The following SLC3A1 variants were observed in gnomAD, a reference collection of about 807,000 sequenced individuals.
SLC3A1 encodes the protein amino acid transporter heavy chain SLC3A1.
A neutral mutation model predicts 60.3 loss-of-function variants in SLC3A1; 78 were observed. The observed-to-expected ratio is 1.29, with a 90% CI of 1.08 to 1.56. The LOEUF (loss-of-function observed/expected upper bound fraction) is 1.56. Ranked by LOEUF, SLC3A1 falls within the 40% of genes most tolerant of loss-of-function variation. The probability of loss-of-function intolerance (pLI) is 0.00; values close to 1 mark genes in which losing one functional copy is unlikely to be tolerated. For synonymous variants in SLC3A1, 392 were observed against 307.9 expected, an observed-to-expected ratio of 1.27 and a Z score of -2.86; for missense variants, 1,172 against 858.9, an observed-to-expected ratio of 1.36 and a Z score of -4.56.
In SLC3A1 at chr2:44,320,215, C is replaced by T. The variant is rs1429825299; in HGVS notation, c.1634C>T (p.Pro545Leu). ...AAAAAATAGGTCCAAAAGACTCAGC[C>T]CAGATCGGCTTTGAAGTTATATCAA... ...TVNVDVQKTQ[P>L]RSALKLYQDL... The change falls in exon 10 of 10, where the codon CCC (proline) becomes CTC (leucine). Residue 545 changes from proline to leucine, a missense_variant. Transcript: ENST00000260649. The T allele has an allele frequency of 2.5e-6, 4 of 1,613,458 alleles. No individual in the cohort carries two copies. The highest frequency in any genetic ancestry group is 3.3e-4 in the Middle Eastern group (2 of 6,078).
intron 7 of SLC3A1, among the ~76,000 whole-genome samples, chr2:44,310,804 G>GGT (rs1181286253): frequency 6.7e-6 from 1 of 149,734 alleles, no homozygotes; most frequent in African/African-American, 2.4e-5. Context: ...CTGAGAGTCT[G>GGT]GTTTTTTTTT....
chr2:44,302,681 G>A (rs142313606), intron 6 of SLC3A1, among the ~76,000 whole-genome samples: 1 of 152,324 alleles, frequency 6.6e-6, no homozygotes, highest in East Asian at 1.9e-4. Flanking sequence ...GCAATTGAGA[G>A]TGCACACCAA....
At chr2:44,277,113 T>C (rs1671365563) in intron 1 of SLC3A1, among the ~76,000 whole-genome samples, 1 of 148,468 alleles carries the variant, frequency 6.7e-6, no homozygotes, top group Admixed American at 6.7e-5. Context: ...CTTTTTTTTT[T>C]TTTTTTTTTT....
In SLC3A1 at chr2:44,321,454, AAC is replaced by A. The variant is rs758683890; in HGVS notation, c.*819_*820del. 3 of 1,609,438 alleles carry A rather than the reference AAC, an allele frequency of 1.9e-6. No homozygotes were observed. Among genetic ancestry groups the A allele is most frequent in the South Asian group, 2.2e-5 (2 of 90,772 alleles). On this transcript the variant is annotated 3_prime_UTR_variant, in exon 10 of 10. Transcript: ENST00000260649. Reference sequence around the variant, plus strand: ...TTAATTTGGGCTGTAATCTAAAAGAAACACATTAAAAAAATTAAATAGAAGGC... The same window carrying A: ...TTAATTTGGGCTGTAATCTAAAAGAAACATTAAAAAAATTAAATAGAAGGC...
chr2:44,321,570 T>C, downstream of SLC3A1: 1 of 1,499,462 alleles, frequency 6.7e-7, no homozygotes. Context: ...CAAGAATACT[T>C]TCATTCGAGA....
At chr2:44,302,522 T>C (rs1672040006) in intron 6 of SLC3A1, among the ~76,000 whole-genome samples, 1 of 152,154 alleles carries the variant, frequency 6.6e-6, no homozygotes, top group South Asian at 2.1e-4. Context: ...TGTCCACAGG[T>C]AGGAGTGGCA....
In SLC3A1 at chr2:44,320,182, C is replaced by T; in HGVS notation, c.1618-17C>T. 2 of 1,599,664 alleles carry T rather than the reference C, an allele frequency of 1.3e-6. No homozygotes were observed. The highest frequency in any genetic ancestry group is 1.1e-5 in the South Asian group (1 of 90,416). On this transcript the variant is annotated splice_polypyrimidine_tract_variant and intron_variant, in intron 9 of 9. Coordinates refer to ENST00000260649, the MANE Select transcript of SLC3A1 (RefSeq NM_000341.4). ...TTAGAATCAAACACTTACGTAAATA[C>T]TTTTTTAAAAAAATAGGTCCAAAAG...
chr2:44,292,551 C>T (rs577418840), intron 4 of SLC3A1, among the ~76,000 whole-genome samples: 21 of 152,068 alleles, frequency 1.4e-4, no homozygotes, highest in East Asian at 3.9e-4. Flanking sequence ...ATTAAACAGG[C>T]GATTACAATA....
chr2:44,308,555 C>T (rs12471381), intron 7 of SLC3A1, among the ~76,000 whole-genome samples: 12,119 of 151,970 alleles, frequency 0.08, 575 homozygotes, highest in Non-Finnish European at 0.11. Flanking sequence ...CAGTTTATTC[C>T]TAAGTATTTT....
At chr2:44,305,189 G>A (rs1672122099) in intron 7 of SLC3A1, among the ~76,000 whole-genome samples, 1 of 152,028 alleles carries the variant, frequency 6.6e-6, no homozygotes, top group Admixed American at 6.6e-5. Context: ...AGAAGATACA[G>A]CAATACATAC....
At position 44,313,949 on chromosome 2, in the gene SLC3A1, G is replaced by C; in HGVS notation, c.1615G>C (p.Asp539His). The change falls in exon 9 of 10, where the codon GAT becomes CAT. Residue 539 changes from aspartate (D) to histidine (H), a missense_variant and splice_region_variant. Transcript: ENST00000260649. The stretch of plus-strand genomic sequence containing the variant: ...TTCAGATTACCACACTGTGAATGTT[G>C]ATGTAAGTATCAGTGAAAATTTTAT... ...TNSDYHTVNV[D>H]VQKTQPRSAL... 6.2e-7 allele frequency: 1 copy of C among 1,614,024 alleles called. No homozygotes were observed. The highest frequency in any genetic ancestry group is 8.5e-7 in the Non-Finnish European group (1 of 1,179,946).
chr2:44,310,337 A>C lies in SLC3A1; in HGVS notation c.1333-2249A>C, dbSNP rs188380353. On this transcript the variant is annotated intron_variant, in intron 7 of 9. Transcript: ENST00000260649. ...CAACACTTTTCTGTCTTGATTTAAA[A>C]AATTATACTCATCATAGTACAAATG... Among the ~76,000 whole-genome samples the C allele has an allele frequency of 2.1e-3, 316 of 152,368 alleles. 1 individual carries two copies. Among genetic ancestry groups the C allele is most frequent in the African/African-American group, 7.1e-3 (297 of 41,586 alleles).
intron 4 of SLC3A1, among the ~76,000 whole-genome samples, chr2:44,293,376 G>C (rs1054181024): frequency 6.6e-6 from 1 of 152,052 alleles, no homozygotes; most frequent in African/African-American, 2.4e-5. Flanking sequence ...AATTAGCCAG[G>C]CATGGTGGTG....
In SLC3A1 at chr2:44,320,366, G is replaced by C. The variant is rs1672824066; in HGVS notation, c.1785G>C (p.Val595=). 6.2e-7 allele frequency: 1 copy of C among 1,614,050 alleles called. No individual in the cohort carries two copies. Among genetic ancestry groups the C allele is most frequent in the African/African-American group, 1.3e-5 (1 of 75,030 alleles). ...ELDGIDRIFI[V]VLNFGESTLL... ...ATGGCATCGACAGAATCTTTATCGT[G>C]GTTCTGAATTTTGGAGAATCAACAC... is the stretch of plus-strand genomic sequence containing the variant. The change falls in exon 10 of 10, where the codon GTG becomes GTC. Residue 595 remains valine (V), a synonymous_variant. Transcript: ENST00000260649.
chr2:44,309,529 C>T (rs1672241496), intron 7 of SLC3A1, among the ~76,000 whole-genome samples: 1 of 152,196 alleles, frequency 6.6e-6, no homozygotes, highest in Non-Finnish European at 1.5e-5. Flanking sequence ...GTACAAGTAT[C>T]TGTTTAAGCC....
At chr2:44,298,719 G>T (rs1671919696) in intron 4 of SLC3A1, among the ~76,000 whole-genome samples, 1 of 152,076 alleles carries the variant, frequency 6.6e-6, no homozygotes, top group South Asian at 2.1e-4. Flanking sequence ...CTAATCTTTG[G>T]CTTCAGCATT....
chr2:44,321,271 ATTAATT>A lies in SLC3A1; in HGVS notation c.*635_*640del. 8.6e-7 allele frequency: 1 copy of A among 1,163,158 alleles called. No homozygotes were observed. Among genetic ancestry groups the A allele is most frequent in the South Asian group, 1.4e-5 (1 of 69,214 alleles). 72.1% of individuals were successfully genotyped at this position (1,163,158 alleles called of 1,614,324 possible). A position where few individuals can be genotyped will look rare whatever the true frequency, so the allele number is the denominator to read the frequency against. On this transcript the variant is annotated 3_prime_UTR_variant, in exon 10 of 10. Coordinates refer to ENST00000260649, the MANE Select transcript of SLC3A1 (RefSeq NM_000341.4). ...ATTAATAACTTAAAAGTCTCAAGTT[ATTAATT>A]TTTTTTTTGCTAACTCAATTGGAAG...
chr2:44,307,564 ATT>A (rs34665826), intron 7 of SLC3A1, among the ~76,000 whole-genome samples: 6,519 of 129,592 alleles, frequency 0.05, 284 homozygotes, highest in African/African-American at 0.14. Flanking sequence ...ATCTCATTGC[ATT>A]TTTTTTTTTT....
In SLC3A1 at chr2:44,320,341, A is replaced by T. The variant is rs752861700; in HGVS notation, c.1760A>T (p.Asp587Val). Residue 587 changes from aspartate to valine, a missense_variant, in exon 10 of 10, where the codon GAT (aspartate) becomes GTT (valine). Coordinates refer to ENST00000260649, the MANE Select transcript of SLC3A1 (RefSeq NM_000341.4). Reference sequence around the variant, plus strand: ...TATGTTGTGTACACAAGAGAGCTGGATGGCATCGACAGAATCTTTATCGTG... The same window carrying T: ...TATGTTGTGTACACAAGAGAGCTGGTTGGCATCGACAGAATCTTTATCGTG... ...SHYVVYTREL[D>V]GIDRIFIVVL... The T allele has an allele frequency of 5.6e-6, 9 of 1,614,180 alleles. No individual in the cohort carries two copies. The highest frequency in any genetic ancestry group is 3.3e-4 in the Middle Eastern group (2 of 6,060).
Sources: gnomAD v4.1 joint callset for allele counts (sites outside exome capture counted in the v4.1 genomes callset) on GRCh38, gnomAD v4.1.1 for gene constraint, MANE v1.5 for transcripts, NCBI Gene and HGNC (gene_info 2026-07-23, HGNC 2026-07-21) for gene names.